Variants in INPP4B observed in about 807,000 individuals in gnomAD.
INPP4B encodes inositol polyphosphate-4-phosphatase type II B.
INPP4B carries 55 observed loss-of-function variants against 122.5 expected under a neutral mutation model. The observed-to-expected ratio is 0.45, with a 90% CI of 0.36 to 0.56. The LOEUF (loss-of-function observed/expected upper bound fraction) is 0.56, where lower values mean the gene tolerates loss of function less well. Ranked by LOEUF, INPP4B falls within the 20% of genes least tolerant of loss-of-function variation. INPP4B has a pLI of 0.00. For synonymous variants in INPP4B, 403 were observed against 388.7 expected (o/e 1.04, Z -0.43); for missense variants, 1,000 against 1,097.7 (o/e 0.91, Z 1.26).
intron 7 of INPP4B, among the ~76,000 whole-genome samples, chr4:142,354,862 C>G (rs556273866): frequency 2.0e-5 from 3 of 151,930 alleles, no homozygotes; most frequent in East Asian, 1.9e-4. Context: ...TATAACAAAG[C>G]GAGGACTTAA....
At position 142,263,634 on chromosome 4, in the gene INPP4B, C is replaced by T. The variant is rs369373604; in HGVS notation, c.616-3070G>A. Reference sequence around the variant, plus strand: ...AAATAGACCACAAATGAGATAAATTCGTAAAATATATATATATATATATAT... The same window carrying T: ...AAATAGACCACAAATGAGATAAATTTGTAAAATATATATATATATATATAT... On this transcript the variant is annotated intron_variant, in intron 10 of 25. Coordinates refer to ENST00000262992, the MANE Select transcript of INPP4B (RefSeq NM_001101669.3). 1.8e-4 allele frequency among the ~76,000 whole-genome samples: 7 copies of T among 39,676 alleles called. No individual in the cohort carries two copies. In the East Asian group the frequency reaches 3.9e-3, roughly 22 times the overall value. The allele number at this position is 39,676 out of a possible 152,430, so 26.0% of individuals were successfully genotyped here.
chr4:142,263,254 T>A (rs1218746678), intron 10 of INPP4B, among the ~76,000 whole-genome samples: 1 of 152,194 alleles, frequency 6.6e-6, no homozygotes, highest in Non-Finnish European at 1.5e-5. Flanking sequence ...TGTTACTTAT[T>A]GGGTTTTCTC....
At chr4:142,681,485 G>A (rs1758610343) in intron 2 of INPP4B, among the ~76,000 whole-genome samples, 1 of 151,836 alleles carries the variant, frequency 6.6e-6, no homozygotes, top group Admixed American at 6.6e-5. Flanking sequence ...AAGGTCAAGT[G>A]TTTAAAGCTT....
chr4:142,758,232 G>T lies in INPP4B; in HGVS notation c.-253-32331C>A, dbSNP rs1770781655. ...GACCAAGGATATTTGGTCTAGAAGT[G>T]AAAGGACATAGGGGGAACTCATGAA... On this transcript the variant is annotated intron_variant, in intron 1 of 25. Coordinates refer to ENST00000262992, the MANE Select transcript of INPP4B (RefSeq NM_001101669.3). Among the ~76,000 whole-genome samples, 2 of 152,138 alleles carry T rather than the reference G, an allele frequency of 1.3e-5. 1 individual carries two copies. Among genetic ancestry groups the T allele is most frequent in the South Asian group, 4.1e-4 (2 of 4,828 alleles).
At chr4:142,676,862 A>T (rs913619888) in intron 2 of INPP4B, among the ~76,000 whole-genome samples, 1 of 151,878 alleles carries the variant, frequency 6.6e-6, no homozygotes, top group African/African-American at 2.4e-5. Context: ...AAAGACTTAA[A>T]CGTAAGACCT....
intron 7 of INPP4B, among the ~76,000 whole-genome samples, chr4:142,368,969 G>C (rs1788657675): frequency 6.6e-6 from 1 of 152,022 alleles, no homozygotes; most frequent in Admixed American, 6.6e-5. Flanking sequence ...TAAGGAGCTT[G>C]GGCATTTCTC....
intron 18 of INPP4B, among the ~76,000 whole-genome samples, chr4:142,127,707 CA>C (rs1799248181): frequency 1.3e-5 from 2 of 152,028 alleles, no homozygotes; most frequent in South Asian, 4.1e-4. Flanking sequence ...AGTTTGTGAG[CA>C]AGGTAATATG....
intron 17 of INPP4B, among the ~76,000 whole-genome samples, chr4:142,158,810 G>T (rs1010335748): frequency 1.3e-5 from 2 of 150,716 alleles, no homozygotes; most frequent in Non-Finnish European, 3.0e-5. Flanking sequence ...AGGTGAGGGG[G>T]AAGGGTTTGT....
chr4:142,185,416 A>G (rs998973293), intron 15 of INPP4B, among the ~76,000 whole-genome samples: 1 of 151,520 alleles, frequency 6.6e-6, no homozygotes, highest in Admixed American at 6.6e-5. Context: ...ATATATATAT[A>G]TATCTCATCA....
chr4:142,185,738 G>A (rs1475756631), intron 15 of INPP4B, among the ~76,000 whole-genome samples: 7 of 151,652 alleles, frequency 4.6e-5, no homozygotes, highest in Non-Finnish European at 8.8e-5. Context: ...AATTAGCCGC[G>A]CGTGGTGGCA....
chr4:142,463,618 T>G (rs1002072918), intron 2 of INPP4B, among the ~76,000 whole-genome samples: 1 of 152,174 alleles, frequency 6.6e-6, no homozygotes, highest in Non-Finnish European at 1.5e-5. Flanking sequence ...AGTCTCATCT[T>G]GAATTATGGT....
intron 17 of INPP4B, among the ~76,000 whole-genome samples, chr4:142,153,372 A>G (rs1431116301): frequency 1.3e-5 from 2 of 152,204 alleles, no homozygotes; most frequent in Non-Finnish European, 2.9e-5. Context: ...TGGAGTTAAA[A>G]AACTTTCTGT....
intron 23 of INPP4B, among the ~76,000 whole-genome samples, chr4:142,104,445 C>T (rs1234821254): frequency 6.6e-6 from 1 of 152,128 alleles, no homozygotes; most frequent in Non-Finnish European, 1.5e-5. Flanking sequence ...AGGAGAAGCA[C>T]TAATAACTGC....
intron 18 of INPP4B, among the ~76,000 whole-genome samples, chr4:142,140,217 G>A (rs1478614244): frequency 1.3e-5 from 2 of 152,204 alleles, no homozygotes; most frequent in African/African-American, 4.8e-5. Context: ...ATGACTCGAA[G>A]CCTATGTGGC....
intron 2 of INPP4B, among the ~76,000 whole-genome samples, chr4:142,494,939 A>C (rs550546240): frequency 6.6e-6 from 1 of 152,244 alleles, no homozygotes; most frequent in East Asian, 1.9e-4. Context: ...TAACAGCATA[A>C]ATTCGTGCAA....
At chr4:142,100,174 C>T (rs1225694661) in intron 23 of INPP4B, among the ~76,000 whole-genome samples, 1 of 152,106 alleles carries the variant, frequency 6.6e-6, no homozygotes, top group Non-Finnish European at 1.5e-5. Context: ...CACAGGAAAC[C>T]TCATCTTCCA....
intron 18 of INPP4B, among the ~76,000 whole-genome samples, chr4:142,129,405 T>A (rs781009658): frequency 1.1e-4 from 17 of 152,216 alleles, no homozygotes; most frequent in Non-Finnish European, 2.2e-4. Flanking sequence ...GTTCTTGTCT[T>A]TCAGGCACAA....
rs185213103 is a variant in INPP4B at position 142,049,666 on chromosome 4, A to T, written c.2643-20752T>A. On this transcript the variant is annotated intron_variant, in intron 25 of 25. Transcript: ENST00000262992. ...ATAATAAGTAGTTGTGACTGCATCA[A>T]GAAGTATATGTTGTGTATGTCAAAT... 1.1e-3 allele frequency among the ~76,000 whole-genome samples: 162 copies of T among 152,122 alleles called. 3 individuals carry two copies. In the East Asian group the frequency reaches 0.027, roughly 25 times the overall value.
intron 2 of INPP4B, among the ~76,000 whole-genome samples, chr4:142,572,555 TA>T (rs1733056484): frequency 6.6e-6 from 1 of 152,120 alleles, no homozygotes; most frequent in African/African-American, 2.4e-5. Context: ...AAAATGACTT[TA>T]ATTCTCAGTT....
Sources: gnomAD v4.1 joint callset for allele counts (sites outside exome capture counted in the v4.1 genomes callset) on GRCh38, gnomAD v4.1.1 for gene constraint, MANE v1.5 for transcripts, NCBI Gene and HGNC (gene_info 2026-07-23, HGNC 2026-07-21) for gene names.